CACNA2D1: variants seen among roughly 807,000 people sequenced by gnomAD.
The protein encoded by CACNA2D1 is voltage-dependent calcium channel subunit alpha-2/delta-1.
A neutral mutation model predicts 171.5 loss-of-function variants in CACNA2D1; 53 were observed. That is an observed-to-expected ratio of 0.31 (90% CI 0.25 to 0.39). The LOEUF (loss-of-function observed/expected upper bound fraction) is 0.39, where lower values mean the gene tolerates loss of function less well. Among genes scored for constraint, CACNA2D1 ranks in the 10% least tolerant of loss-of-function variants. The pLI, the probability that CACNA2D1 is intolerant of heterozygous loss-of-function variation, is 1.00. For synonymous variants in CACNA2D1, 442 were observed against 443.1 expected (o/e 1.00, Z 0.03); for missense variants, 903 against 1,299.8 (o/e 0.69, Z 4.69).
At chr7:82,369,770 C>A (rs149307059) in intron 1 of CACNA2D1, among the ~76,000 whole-genome samples, 1 of 151,938 alleles carries the variant, frequency 6.6e-6, no homozygotes, top group African/African-American at 2.4e-5. Context: ...TAAGAGTGAA[C>A]ATCAACAATT....
chr7:82,192,685 C>T (rs1217477305), intron 3 of CACNA2D1, among the ~76,000 whole-genome samples: 1 of 151,068 alleles, frequency 6.6e-6, no homozygotes, highest in Admixed American at 6.6e-5. Context: ...CCTATGTCTT[C>T]TATGCAATAC....
chr7:82,085,869 G>A (rs1016881461), intron 6 of CACNA2D1, among the ~76,000 whole-genome samples: 1 of 152,084 alleles, frequency 6.6e-6, no homozygotes, highest in Admixed American at 6.6e-5. Flanking sequence ...TGGGTTAAGT[G>A]TAAGATATAA....
At chr7:82,340,005 G>T (rs938690128) in intron 2 of CACNA2D1, among the ~76,000 whole-genome samples, 8 of 152,196 alleles carry the variant, frequency 5.3e-5, no homozygotes, top group African/African-American at 1.9e-4. Flanking sequence ...GGAAATGGCA[G>T]CATGAGAAGA....
At chr7:82,001,466 C>T (rs140117102) in intron 18 of CACNA2D1, among the ~76,000 whole-genome samples, 1 of 152,284 alleles carries the variant, frequency 6.6e-6, no homozygotes, top group Non-Finnish European at 1.5e-5. Context: ...TTAGCCAATA[C>T]ACACCCTCTA....
chr7:82,027,512 C>T (rs547679241), intron 12 of CACNA2D1: 1 of 151,778 alleles, frequency 6.6e-6, no homozygotes, highest in South Asian at 2.1e-4. Flanking sequence ...TATCTATAAG[C>T]TTTCCTTGTC....
chr7:82,352,006 C>T (rs1470935745), intron 1 of CACNA2D1, among the ~76,000 whole-genome samples: 1 of 152,068 alleles, frequency 6.6e-6, no homozygotes, highest in African/African-American at 2.4e-5. Context: ...TTAACTCATC[C>T]CTGAATTCTG....
At chr7:82,068,253 C>T (rs1365315891) in intron 7 of CACNA2D1, among the ~76,000 whole-genome samples, 1 of 152,112 alleles carries the variant, frequency 6.6e-6, no homozygotes, top group Non-Finnish European at 1.5e-5. Flanking sequence ...CCTCCAGCCC[C>T]GCCCCCTGCC....
intron 6 of CACNA2D1, among the ~76,000 whole-genome samples, chr7:82,091,491 T>G (rs1811155342): frequency 6.6e-6 from 1 of 152,188 alleles, no homozygotes; most frequent in African/African-American, 2.4e-5. Context: ...TGTTCTGCTT[T>G]AATGAAATCT....
intron 24 of CACNA2D1, among the ~76,000 whole-genome samples, chr7:81,981,821 G>T (rs1158260505): frequency 3.3e-5 from 5 of 151,944 alleles, no homozygotes; most frequent in Non-Finnish European, 2.9e-5. Context: ...AAATAAAATT[G>T]GGTAGAAAGA....
At chr7:82,419,050 C>T (rs1050097710) in intron 1 of CACNA2D1, among the ~76,000 whole-genome samples, 1 of 150,662 alleles carries the variant, frequency 6.6e-6, no homozygotes, top group Non-Finnish European at 1.5e-5. Context: ...GCGGAGCTTG[C>T]AGTGAGCCGA....
chr7:82,349,073 A>T (rs1304000257), intron 2 of CACNA2D1, among the ~76,000 whole-genome samples: 1 of 152,274 alleles, frequency 6.6e-6, no homozygotes, highest in East Asian at 1.9e-4. Flanking sequence ...ATCTTGCACC[A>T]GAACCGTTAT....
In CACNA2D1 at chr7:82,226,294, T is replaced by C. The variant is rs1585152964; in HGVS notation, c.295-55685A>G. ...TCTATAGCCACCATTTATTGAGGGC[T>C]GACTCAACTCTGCTGGGCATTTCAC... On this transcript the variant is annotated intron_variant, in intron 3 of 38. Transcript: ENST00000356860. Among the ~76,000 whole-genome samples, 5 of 152,338 alleles carry C rather than the reference T, an allele frequency of 3.3e-5. No homozygotes were observed. In the East Asian group the frequency reaches 9.7e-4, roughly 29 times the overall value.
At chr7:82,337,265 A>G (rs1457802592) in intron 2 of CACNA2D1, among the ~76,000 whole-genome samples, 3 of 152,106 alleles carry the variant, frequency 2.0e-5, no homozygotes, top group Non-Finnish European at 4.4e-5. Flanking sequence ...TAAAACCACA[A>G]TTGAATTGCT....
chr7:82,103,937 A>C (rs749794449), intron 6 of CACNA2D1, among the ~76,000 whole-genome samples: 5 of 152,048 alleles, frequency 3.3e-5, no homozygotes, highest in Non-Finnish European at 7.4e-5. Context: ...TATTACACAC[A>C]GAGGGAGGCT....
At chr7:82,443,936 G>T, upstream of CACNA2D1, 1 of 301,594 alleles carries the variant, frequency 3.3e-6, no homozygotes, top group Non-Finnish European at 6.1e-6. Context: ...GAGAGGCTCC[G>T]TCTGGCTTCT....
chr7:82,008,747 G>T (rs1341484543), intron 15 of CACNA2D1, among the ~76,000 whole-genome samples: 1 of 152,034 alleles, frequency 6.6e-6, no homozygotes, highest in Non-Finnish European at 1.5e-5. Context: ...AGTTCATAAA[G>T]TTGGATTTGG....
chr7:82,232,316 T>C (rs1172797918), intron 3 of CACNA2D1, among the ~76,000 whole-genome samples: 3 of 152,018 alleles, frequency 2.0e-5, no homozygotes, highest in Admixed American at 6.6e-5. Context: ...GTCTGGATAA[T>C]GCTTTCGTTA....
At chr7:82,115,507 TA>T in intron 6 of CACNA2D1, among the ~76,000 whole-genome samples, 1 of 152,030 alleles carries the variant, frequency 6.6e-6, no homozygotes, top group East Asian at 1.9e-4. Context: ...AAGGCTCATG[TA>T]AAAAGAAACT....
chr7:82,051,614 TAA>T (rs1210176768), intron 10 of CACNA2D1, among the ~76,000 whole-genome samples: 1 of 152,202 alleles, frequency 6.6e-6, no homozygotes, highest in Non-Finnish European at 1.5e-5. Context: ...GTGGTTTTAT[TAA>T]AAGACATGAA....
Sources: allele counts gnomAD v4.1 joint callset (sites outside exome capture counted in the v4.1 genomes callset), GRCh38; gene constraint gnomAD v4.1.1; transcripts MANE v1.5; gene names NCBI Gene and HGNC (gene_info 2026-07-23, HGNC 2026-07-21).